The following MAP7 variants were observed in gnomAD, a reference collection of about 807,000 sequenced individuals.
MAP7 encodes ensconsin.
MAP7 carries 52 observed loss-of-function variants against 94.8 expected under a neutral mutation model. That is an observed-to-expected ratio of 0.55 (90% CI 0.44 to 0.69). MAP7 has a LOEUF of 0.69. Among genes scored for constraint, MAP7 ranks in the 30% least tolerant of loss-of-function variants. The probability of loss-of-function intolerance (pLI) is 0.00; values close to 1 mark genes in which losing one functional copy is unlikely to be tolerated. For synonymous variants in MAP7, 350 were observed against 357.0 expected, an observed-to-expected ratio of 0.98 and a Z score of 0.22; for missense variants, 940 against 964.6, an observed-to-expected ratio of 0.97 and a Z score of 0.34.
At chr6:136,419,922 T>C in intron 2 of MAP7, 2 of 593,352 alleles carry the variant, frequency 3.4e-6, no homozygotes, top group Non-Finnish European at 6.3e-6. Flanking sequence ...TCTCTATGTA[T>C]TTTTCTATTT....
Position 136,489,400 on chromosome 6 carries a change from T to A in MAP7, c.67+60942A>T, listed in dbSNP as rs139038034. ...CCCGAACATTAATGATTCCTTTTTT[T>A]CTTTTCCATTCTTGCCTAGGCCTGT... is the stretch of plus-strand genomic sequence containing the variant. On this transcript the variant is annotated intron_variant, in intron 1 of 17. Coordinates refer to ENST00000354570, the MANE Select transcript of MAP7 (RefSeq NM_003980.6). Among the ~76,000 whole-genome samples the A allele has an allele frequency of 6.8e-3, 1,030 of 152,308 alleles. 17 individuals carry two copies. Among genetic ancestry groups the A allele is most frequent in the African/African-American group, 0.023 (959 of 41,566 alleles).
intron 3 of MAP7, among the ~76,000 whole-genome samples, chr6:136,409,397 A>AAG (rs959250624): frequency 1.3e-5 from 2 of 151,754 alleles, no homozygotes; most frequent in Non-Finnish European, 2.9e-5. Flanking sequence ...ATTTCAGAGA[A>AAG]AGAGAGAGAG....
At chr6:136,415,753 T>C (rs2128752633) in intron 2 of MAP7, among the ~76,000 whole-genome samples, 1 of 152,320 alleles carries the variant, frequency 6.6e-6, no homozygotes, top group South Asian at 2.1e-4. Context: ...TTTTATACAA[T>C]TAAAAATAAG....
intron 16 of MAP7, among the ~76,000 whole-genome samples, chr6:136,347,948 G>T (rs1788135010): frequency 2.6e-5 from 4 of 152,030 alleles, no homozygotes; most frequent in Admixed American, 2.0e-4. Context: ...TACTAAGAAG[G>T]GAAGGGAATG....
rs541536669 is a variant in MAP7, at chr6:136,455,614, A to G, written c.68-33815T>C. ...ACACCAGGTATTTTTTCTGAGCACCACAGGATTAAAGTAGAAATCAATAGC... is the reference window on the plus strand; with the variant it reads ...ACACCAGGTATTTTTTCTGAGCACCGCAGGATTAAAGTAGAAATCAATAGC... On this transcript the variant is annotated intron_variant, in intron 1 of 17. Transcript: ENST00000354570. Among the ~76,000 whole-genome samples the G allele has an allele frequency of 1.0e-3, 155 of 152,332 alleles. 2 individuals carry two copies. In the South Asian group the frequency reaches 0.01, roughly 10 times the overall value.
At chr6:136,364,918 C>T (rs1472818746) in intron 10 of MAP7, 2 of 152,312 alleles carry the variant, frequency 1.3e-5, no homozygotes, top group Non-Finnish European at 2.9e-5. Flanking sequence ...AATTCCTGAC[C>T]CAAGAATCCA....
At chr6:136,420,306 C>A in intron 2 of MAP7, 1 of 767,982 alleles carries the variant, frequency 1.3e-6, no homozygotes, top group Non-Finnish European at 2.3e-6. Flanking sequence ...TTGGTGCTGC[C>A]TGACGTGACC....
At position 136,372,600 on chromosome 6, in the gene MAP7, G is replaced by C; in HGVS notation, c.777C>G (p.Pro259=). 6.2e-7 allele frequency: 1 copy of C among 1,614,178 alleles called. No individual in the cohort carries two copies. The highest frequency in any genetic ancestry group is 8.5e-7 in the Non-Finnish European group (1 of 1,180,028). The change falls in exon 8 of 18, where the codon CCC becomes CCG. Residue 259 remains proline, a synonymous_variant. Transcript: ENST00000354570. The part of the protein sequence containing the change: ...EAASCSPIIM[P]YKAAHSRNSM... ...AATTTCTAGAGTGTGCAGCTTTGTA[G>C]GGCATGATGATGGGGCTGCAAGATG...
intron 1 of MAP7, among the ~76,000 whole-genome samples, chr6:136,457,390 C>T (rs1803668943): frequency 6.6e-6 from 1 of 151,438 alleles, no homozygotes; most frequent in Admixed American, 6.6e-5. Context: ...TTCCACCAAA[C>T]ATTTAAAGAA....
At chr6:136,506,635 G>T (rs1821604441) in intron 1 of MAP7, among the ~76,000 whole-genome samples, 1 of 152,168 alleles carries the variant, frequency 6.6e-6, no homozygotes, top group Admixed American at 6.6e-5. Flanking sequence ...CTTTTCACTG[G>T]AAAGGTTTCC....
At position 136,507,455 on chromosome 6, in the gene MAP7, T is replaced by A. The variant is rs148718615; in HGVS notation, c.67+42887A>T. Among the ~76,000 whole-genome samples the A allele has an allele frequency of 3.9e-4, 53 of 137,232 alleles. No homozygotes were observed. The East Asian group carries it at 0.011, about 28-fold the overall frequency. The allele number at this position is 137,232 out of a possible 152,430, so 90.0% of individuals were successfully genotyped here. ...TTTCAAGTCTTCCAAAATTTAGACA[T>A]CCTTCCAGGAGAAGATTCTCAAAAA... On this transcript the variant is annotated intron_variant, in intron 1 of 17. Transcript: ENST00000354570.
intron 1 of MAP7, among the ~76,000 whole-genome samples, chr6:136,463,952 C>T (rs1283901689): frequency 6.6e-6 from 1 of 152,114 alleles, no homozygotes; most frequent in Non-Finnish European, 1.5e-5. Flanking sequence ...CATAAAACGC[C>T]TGGTAAAAGA....
intron 1 of MAP7, among the ~76,000 whole-genome samples, chr6:136,462,415 AT>A (rs971568092): frequency 6.6e-6 from 1 of 152,108 alleles, no homozygotes; most frequent in Non-Finnish European, 1.5e-5. Context: ...CAGTTCTTTC[AT>A]TTTATCTCAT....
intron 1 of MAP7, among the ~76,000 whole-genome samples, chr6:136,478,839 C>T (rs1811771303): frequency 6.6e-6 from 1 of 151,492 alleles, no homozygotes; most frequent in Non-Finnish European, 1.5e-5. Context: ...GACTCCATGG[C>T]TTTACTGCTG....
At chr6:136,501,410 C>G (rs982853065) in intron 1 of MAP7, among the ~76,000 whole-genome samples, 5 of 152,152 alleles carry the variant, frequency 3.3e-5, no homozygotes, top group Non-Finnish European at 1.5e-5. Context: ...GTTACTTCAC[C>G]CTGGGGTTTA....
At chr6:136,433,321 C>T (rs998409786) in intron 1 of MAP7, among the ~76,000 whole-genome samples, 1 of 152,210 alleles carries the variant, frequency 6.6e-6, no homozygotes, top group African/African-American at 2.4e-5. Flanking sequence ...GATTCATCTT[C>T]TCATAAGTGC....
At chr6:136,443,265 C>T (rs1194228413) in intron 1 of MAP7, among the ~76,000 whole-genome samples, 1 of 152,042 alleles carries the variant, frequency 6.6e-6, no homozygotes, top group Non-Finnish European at 1.5e-5. Context: ...AAAGGAAATG[C>T]TCAATTTCTA....
chr6:136,446,905 C>T (rs1799534246), intron 1 of MAP7, among the ~76,000 whole-genome samples: 2 of 152,150 alleles, frequency 1.3e-5, no homozygotes, highest in African/African-American at 4.8e-5. Context: ...CAGTCAAGGA[C>T]AAAAACTTAA....
chr6:136,434,194 C>T (rs147065596), intron 1 of MAP7, among the ~76,000 whole-genome samples: 5 of 151,700 alleles, frequency 3.3e-5, no homozygotes, highest in African/African-American at 1.2e-4. Context: ...GTAAACCCAG[C>T]TACTCGGGAG....
Sources: gnomAD v4.1 joint callset for allele counts (sites outside exome capture counted in the v4.1 genomes callset) on GRCh38, gnomAD v4.1.1 for gene constraint, MANE v1.5 for transcripts, NCBI Gene and HGNC (gene_info 2026-07-23, HGNC 2026-07-21) for gene names.